Variants in TTYH2 observed in about 807,000 individuals in gnomAD.
TTYH2 encodes the protein protein tweety homolog 2.
Under a neutral mutation model 68.3 loss-of-function variants are expected in TTYH2, and 49 were observed. The ratio of observed to expected loss-of-function variants is 0.72; its 90% CI spans 0.57 to 0.91. TTYH2 has a LOEUF of 0.91. Ranked by LOEUF, TTYH2 falls within the 40% of genes least tolerant of loss-of-function variation. TTYH2 has a pLI of 0.00. For synonymous variants in TTYH2, 272 were observed against 300.8 expected, an observed-to-expected ratio of 0.90 and a Z score of 0.99; for missense variants, 631 against 700.4, an observed-to-expected ratio of 0.90 and a Z score of 1.12.
At position 74,261,919 on chromosome 17, in the gene TTYH2, A is replaced by T. The variant is rs956342546; in HGVS notation, c.*1710A>T. On this transcript the variant is annotated 3_prime_UTR_variant, in exon 14 of 14. Transcript: ENST00000269346. ...GGGTTGTTTTTAATGCATGGAAACT[A>T]AACAGATTCCTCGGGGAGTTCCTGA... 1 of 152,618 alleles carries T rather than the reference A, an allele frequency of 6.6e-6. No individual in the cohort carries two copies. Among genetic ancestry groups the T allele is most frequent in the African/African-American group, 2.4e-5 (1 of 41,466 alleles). The allele number at this position is 152,618 out of a possible 1,614,324, so 9.5% of individuals were successfully genotyped here. A position where few individuals can be genotyped will look rare whatever the true frequency, so the allele number is the denominator to read the frequency against.
intron 6 of TTYH2, among the ~76,000 whole-genome samples, chr17:74,245,117 C>T (rs758279623): frequency 5.9e-5 from 9 of 152,258 alleles, no homozygotes; most frequent in Non-Finnish European, 1.2e-4. Flanking sequence ...TAGCTCTGGG[C>T]GTGGACACAA....
chr17:74,252,882 G>A (rs183946545), intron 11 of TTYH2, among the ~76,000 whole-genome samples, 199 bp from the exon 12 acceptor site: 1 of 152,320 alleles, frequency 6.6e-6, no homozygotes, highest in African/African-American at 2.4e-5. Context: ...GGGGAGCCTG[G>A]AAGAGCTGGT....
intron 2 of TTYH2, among the ~76,000 whole-genome samples, chr17:74,223,569 A>G (rs2050300289): frequency 1.3e-5 from 2 of 152,132 alleles, no homozygotes; most frequent in Admixed American, 6.5e-5. Context: ...GCAGGAGTCC[A>G]TACCCAGCCC....
chr17:74,213,673 C>A lies in TTYH2; in HGVS notation c.86C>A (p.Pro29His), dbSNP rs748748256. The change falls in exon 1 of 14, where the codon CCC (proline) becomes CAC (histidine). Residue 29 changes from proline to histidine, a missense_variant. By Grantham distance (77) the Pro-to-His change is moderately conservative (BLOSUM62 -2). Transcript: ENST00000269346. The surrounding 1 kb of genome is among the most constrained non-coding windows in gnomAD (Gnocchi z 6.1). ...CCGCACGTCGGCCTGCGCCTGCAGC[C>A]CGTGAACAGCACCTTCAGCCCCGGC... ...SVPHVGLRLQ[P>H]VNSTFSPGDE... 9.3e-6 allele frequency: 15 copies of A among 1,612,770 alleles called. No homozygotes were observed. The highest frequency in any genetic ancestry group is 1.3e-5 in the Non-Finnish European group (15 of 1,179,614).
At position 74,217,390 on chromosome 17, in the gene TTYH2, C is replaced by T. The variant is rs183095914; in HGVS notation, c.129+3674C>T. Among the ~76,000 whole-genome samples, 2 of 152,262 alleles carry T rather than the reference C, an allele frequency of 1.3e-5. No homozygotes were observed. Among genetic ancestry groups the T allele is most frequent in the Admixed American group, 6.5e-5 (1 of 15,300 alleles). ...CATTGGTTGGTTCCGTTCATAGATT[C>T]GCCAAAGTACAAAGTGGAGGGTACA... On this transcript the variant is annotated intron_variant, in intron 1 of 13. Transcript: ENST00000269346. This position sits in a 1 kb window ranked among gnomAD's most constrained non-coding sequence, Gnocchi z 4.0.
rs5822029 is a variant in TTYH2, at chr17:74,215,170, C to CGTGT, written c.129+1485_129+1488dup. Among the ~76,000 whole-genome samples the CGTGT allele has an allele frequency of 0.032, 4,747 of 147,464 alleles. 85 individuals carry two copies. The highest frequency in any genetic ancestry group is 0.055 in the African/African-American group (2,195 of 39,906). On this transcript the variant is annotated intron_variant, in intron 1 of 13. Transcript: ENST00000269346. The surrounding 1 kb of genome is among the most constrained non-coding windows in gnomAD (Gnocchi z 4.3). Reference sequence around the variant, plus strand: ...AGGCGGATATGATTTCAGAAACAGCCGTGTGTGTGTGTGTGTGTGTGTGTG... The same window carrying CGTGT: ...AGGCGGATATGATTTCAGAAACAGCCGTGTGTGTGTGTGTGTGTGTGTGTGTGTG...
In TTYH2 at chr17:74,261,893, A is replaced by G. The variant is rs899997116; in HGVS notation, c.*1684A>G. ...TTAAAGTTTCATTATTGGCAACTAG[A>G]GGGTTGTTTTTAATGCATGGAAACT... On this transcript the variant is annotated 3_prime_UTR_variant, in exon 14 of 14. Coordinates refer to ENST00000269346, the MANE Select transcript of TTYH2 (RefSeq NM_032646.6). 1 of 152,490 alleles carries G rather than the reference A, an allele frequency of 6.6e-6. No individual in the cohort carries two copies. Among genetic ancestry groups the G allele is most frequent in the Non-Finnish European group, 1.5e-5 (1 of 68,038 alleles). 9.4% of individuals were successfully genotyped at this position (152,490 alleles called of 1,614,324 possible). A position where few individuals can be genotyped will look rare whatever the true frequency, so the allele number is the denominator to read the frequency against.
At chr17:74,243,195 A>C (rs371272195) in intron 4 of TTYH2, among the ~76,000 whole-genome samples, 179 bp from the exon 5 acceptor site, 1 of 152,146 alleles carries the variant, frequency 6.6e-6, no homozygotes, top group East Asian at 1.9e-4. Flanking sequence ...TCCAGGCAGC[A>C]GTGGGGGTGC....
Position 74,213,612 on chromosome 17 carries a change from A to G in TTYH2, c.25A>G (p.Ile9Val). The G allele has an allele frequency of 6.2e-7, 1 of 1,611,680 alleles. No individual in the cohort carries two copies. Among genetic ancestry groups the G allele is most frequent in the African/African-American group, 1.3e-5 (1 of 74,900 alleles). ...CATGCAGGCGGCGCGCGTGGACTAC[A>G]TCGCTCCCTGGTGGGTCGTGTGGCT... Reference protein sequence around the residue: MQAARVDYIAPWWVVWLHS... With the variant: MQAARVDYVAPWWVVWLHS... Residue 9 changes from isoleucine (I) to valine (V), a missense_variant, in exon 1 of 14, where the codon ATC becomes GTC. Ile to Val is a conservative substitution (Grantham distance 29). Transcript: ENST00000269346. This position sits in a 1 kb window ranked among gnomAD's most constrained non-coding sequence, Gnocchi z 6.1.
Position 74,260,180 on chromosome 17 carries a change from A to G in TTYH2, c.1576A>G (p.Arg526Gly), listed in dbSNP as rs777190506. The change falls in exon 14 of 14, where the codon AGG becomes GGG. Residue 526 changes from arginine to glycine, a missense_variant. Arg to Gly is a moderately radical substitution (Grantham distance 125). Coordinates refer to ENST00000269346, the MANE Select transcript of TTYH2 (RefSeq NM_032646.6). Reference sequence around the variant, plus strand: ...CCTGTCTGTGGCGGATGAGCACCTGAGGCACTACGGGAATCAGTTTCCAGC... The same window carrying G: ...CCTGTCTGTGGCGGATGAGCACCTGGGGCACTACGGGAATCAGTTTCCAGC... ...TYLSVADEHLRHYGNQFPA is the reference protein window; with the variant it reads ...TYLSVADEHLGHYGNQFPA 1 of 1,613,904 alleles carries G rather than the reference A, an allele frequency of 6.2e-7. No homozygotes were observed. The highest frequency in any genetic ancestry group is 1.3e-5 in the African/African-American group (1 of 74,998).
At chr17:74,255,082 A>T in intron 13 of TTYH2, among the ~76,000 whole-genome samples, 1 of 152,242 alleles carries the variant, frequency 6.6e-6, no homozygotes, top group East Asian at 1.9e-4. Context: ...AGAAGTATCC[A>T]AAGGACACAG....
chr17:74,242,928 T>C (rs953034250), intron 4 of TTYH2, among the ~76,000 whole-genome samples: 2 of 152,318 alleles, frequency 1.3e-5, no homozygotes, highest in East Asian at 3.9e-4. Flanking sequence ...ACTTCAGAGC[T>C]GTGCTGTCCA....
intron 1 of TTYH2, among the ~76,000 whole-genome samples, chr17:74,219,626 G>A (rs1352359203): frequency 6.6e-6 from 1 of 152,096 alleles, no homozygotes; most frequent in African/African-American, 2.4e-5. Context: ...CTACTCATGA[G>A]TATCTCTGAC....
intron 10 of TTYH2, 194 bp from the exon 11 acceptor site, chr17:74,252,040 C>T (rs779083459): frequency 6.3e-5 from 41 of 651,002 alleles, no homozygotes; most frequent in African/African-American, 3.5e-4. Flanking sequence ...ATGTTTCCAG[C>T]GTGAACCCAA....
At chr17:74,259,373 C>T (rs2050725079) in intron 13 of TTYH2, among the ~76,000 whole-genome samples, 1 of 151,880 alleles carries the variant, frequency 6.6e-6, no homozygotes, top group African/African-American at 2.4e-5. Flanking sequence ...GCCACCATGC[C>T]CAGCTAATTT....
At position 74,213,739 on chromosome 17, in the gene TTYH2, C is replaced by T; in HGVS notation, c.129+23C>T. ...GAGGTAAGTTTACGCCGCCCCAGAC[C>T]GCAGCCACGCGCGCCCCAAGTCCCC... On this transcript the variant is annotated intron_variant, in intron 1 of 13. Coordinates refer to ENST00000269346, the MANE Select transcript of TTYH2 (RefSeq NM_032646.6). This position sits in a 1 kb window ranked among gnomAD's most constrained non-coding sequence, Gnocchi z 6.1. 1 of 1,605,240 alleles carries T rather than the reference C, an allele frequency of 6.2e-7. No homozygotes were observed. Among genetic ancestry groups the T allele is most frequent in the South Asian group, 1.1e-5 (1 of 90,250 alleles).
intron 6 of TTYH2, chr17:74,248,097 G>T (rs1490590869): frequency 5.7e-6 from 1 of 175,782 alleles, no homozygotes; most frequent in Admixed American, 6.5e-5. Flanking sequence ...GGCTCCTGAA[G>T]GAGGACGGGG....
Position 74,249,397 on chromosome 17 carries a change from C to T in TTYH2, c.928C>T (p.Gln310Ter). 6.2e-7 allele frequency: 1 copy of T among 1,613,914 alleles called. No individual in the cohort carries two copies. The highest frequency in any genetic ancestry group is 8.5e-7 in the Non-Finnish European group (1 of 1,180,026). ...CSQSGSSPFQ[Q>*]TLTTFQRALT... ...CCAGAGTGGAAGCAGCCCCTTCCAG[C>T]AGGTATGGCCCCCCGAGGCCTGCCC... The change falls in exon 8 of 14, where the codon CAG becomes TAG. Residue 310 changes from glutamine to a stop codon, truncating the protein, a stop_gained and splice_region_variant. Coordinates refer to ENST00000269346, the MANE Select transcript of TTYH2 (RefSeq NM_032646.6). LOFTEE classifies it high-confidence loss of function.
chr17:74,240,307 C>T (rs1341237675), intron 4 of TTYH2, among the ~76,000 whole-genome samples: 6 of 152,070 alleles, frequency 3.9e-5, no homozygotes, highest in African/African-American at 1.2e-4. Flanking sequence ...GACGTGGTGG[C>T]GCACGCCTGT....
Sources: gnomAD v4.1 joint callset for allele counts (sites outside exome capture counted in the v4.1 genomes callset) on GRCh38, gnomAD v4.1.1 for gene constraint, Gnocchi (gnomAD v3.1) non-coding constraint, MANE v1.5 for transcripts, NCBI Gene and HGNC (gene_info 2026-07-23, HGNC 2026-07-21) for gene names.